DNAI3: variants seen among roughly 807,000 people sequenced by gnomAD.
DNAI3 encodes the protein WD repeat domain 63.
In DNAI3, 83 loss-of-function variants were observed where a neutral mutation model predicts 115.5. The ratio of observed to expected loss-of-function variants is 0.72; its 90% CI spans 0.60 to 0.86. The LOEUF (loss-of-function observed/expected upper bound fraction) is 0.86. Ranked by LOEUF, DNAI3 falls within the 40% of genes least tolerant of loss-of-function variation. The pLI is 0.00. For missense variants in DNAI3, 1,004 were observed against 1,075.8 expected (o/e 0.93, Z 0.93); for synonymous variants, 320 against 347.0 (o/e 0.92, Z 0.86).
chr1:85,126,593 A>G lies in DNAI3; in HGVS notation c.2195A>G (p.Tyr732Cys), dbSNP rs1257968796. The G allele has an allele frequency of 6.2e-7, 1 of 1,614,138 alleles. No homozygotes were observed. The highest frequency in any genetic ancestry group is 2.2e-5 in the East Asian group (1 of 44,882). ...HWSLTRPGVF[Y>C]IGREDGYIDI... Reference sequence around the variant, plus strand: ...TCCCTGACTCGGCCCGGAGTTTTCTACATCGGCCGAGAAGATGGATACATT... The same window carrying G: ...TCCCTGACTCGGCCCGGAGTTTTCTGCATCGGCCGAGAAGATGGATACATT... Residue 732 changes from tyrosine (Y) to cysteine (C), a missense_variant, in exon 20 of 23, where the codon TAC becomes TGC. Around this residue, in one of 3 missense-constraint regions of DNAI3, gnomAD observed 429 missense variants for 454.3 expected, o/e 0.94. Transcript: ENST00000294664.
intron 13 of DNAI3, among the ~76,000 whole-genome samples, chr1:85,099,970 T>C (rs1296424658): frequency 3.3e-5 from 5 of 152,256 alleles, no homozygotes; most frequent in Admixed American, 2.0e-4. Flanking sequence ...CAAAAATTAA[T>C]TCAAGATGGA....
At position 85,062,702 on chromosome 1, in the gene DNAI3, C is replaced by A. The variant is rs75415680; in HGVS notation, c.-15+216C>A. On this transcript the variant is annotated intron_variant, in intron 1 of 22. Coordinates refer to ENST00000294664, the MANE Select transcript of DNAI3 (RefSeq NM_145172.5). ...AGAGCAGTTAACGACACTCTAAGAA[C>A]TTTAAGGGCATGTACTGTCTTGTTC... is the stretch of plus-strand genomic sequence containing the variant. Among the ~76,000 whole-genome samples, 475 of 152,260 alleles carry A rather than the reference C, an allele frequency of 3.1e-3. 16 individuals are homozygous for A. The East Asian group carries it at 0.079, about 25-fold the overall frequency.
chr1:85,074,121 C>A (rs1037742), intron 3 of DNAI3, among the ~76,000 whole-genome samples: 87,504 of 151,924 alleles, frequency 0.58, 25,253 homozygotes, highest in Non-Finnish European at 0.58. Flanking sequence ...TATGTGAATT[C>A]CACCTGTTTT....
intron 1 of DNAI3, among the ~76,000 whole-genome samples, chr1:85,069,678 C>T (rs1571151778): frequency 6.6e-6 from 1 of 152,058 alleles, no homozygotes; most frequent in East Asian, 1.9e-4. Context: ...GAGCGTGCCA[C>T]ATACTCCAGC....
Position 85,098,781 on chromosome 1 carries a change from G to A in DNAI3, c.1479+123G>A. The A allele has an allele frequency of 7.0e-6, 10 of 1,426,566 alleles. No homozygotes were observed. In the Admixed American group the frequency reaches 8.6e-5, roughly 12 times the overall value. The allele number at this position is 1,426,566 out of a possible 1,614,324, so 88.4% of individuals were successfully genotyped here. A position where few individuals can be genotyped will look rare whatever the true frequency, so the allele number is the denominator to read the frequency against. The stretch of plus-strand genomic sequence containing the variant: ...AAATTGTGAAATAACCAGGAACTAA[G>A]CATCAAAAAATGGGGTTACTGTTGC... On this transcript the variant is annotated intron_variant, in intron 13 of 22. Transcript: ENST00000294664.
At chr1:85,129,562 T>G (rs1656252876) in intron 21 of DNAI3, among the ~76,000 whole-genome samples, 1 of 151,934 alleles carries the variant, frequency 6.6e-6, no homozygotes, top group South Asian at 2.1e-4. Context: ...GTTTGATTGA[T>G]GATATGAAAC....
At chr1:85,075,989 G>A (rs140675935) in intron 3 of DNAI3, among the ~76,000 whole-genome samples, 2 of 152,258 alleles carry the variant, frequency 1.3e-5, no homozygotes, top group African/African-American at 2.4e-5. Context: ...TCAGGAGTCT[G>A]AAATTACTTT....
In DNAI3 at chr1:85,090,206, T is replaced by A. The variant is rs373633663; in HGVS notation, c.831T>A (p.Val277=). 2.5e-6 allele frequency: 4 copies of A among 1,576,484 alleles called. No homozygotes were observed. Among genetic ancestry groups the A allele is most frequent in the Non-Finnish European group, 3.4e-6 (4 of 1,165,158 alleles). Residue 277 remains valine, a synonymous_variant, in exon 8 of 23, where the codon GTT becomes GTA. Transcript: ENST00000294664. ...CACTCAAACAATCAAAGCCTTTGGT[T>A]GATTTTCTTAACAATGCATCCATAA... is the stretch of plus-strand genomic sequence containing the variant. ...KETLKQSKPL[V]DFLNNASISV... is the part of the protein sequence containing the mutation.
At chr1:85,070,420 C>T (rs1654232444) in intron 1 of DNAI3, among the ~76,000 whole-genome samples, 1 of 152,146 alleles carries the variant, frequency 6.6e-6, no homozygotes, top group Admixed American at 6.5e-5. Context: ...GCTGCTTGGG[C>T]TCACAGCCTG....
intron 3 of DNAI3, among the ~76,000 whole-genome samples, chr1:85,078,951 G>T (rs1654545363): frequency 6.6e-6 from 1 of 152,224 alleles, no homozygotes. Context: ...TTCGAAGTGT[G>T]TGTTTAGTAG....
chr1:85,127,805 A>G (rs1199992789), intron 20 of DNAI3, among the ~76,000 whole-genome samples: 2 of 152,126 alleles, frequency 1.3e-5, no homozygotes, highest in Non-Finnish European at 2.9e-5. Flanking sequence ...GAACACACAC[A>G]CAGTGAGATA....
chr1:85,106,360 A>G (rs567756547), intron 14 of DNAI3, among the ~76,000 whole-genome samples: 4 of 152,342 alleles, frequency 2.6e-5, no homozygotes, highest in African/African-American at 9.6e-5. Context: ...TTTACAAATC[A>G]TATATCTGAT....
chr1:85,125,258 A>C lies in DNAI3; in HGVS notation c.2112+1007A>C, dbSNP rs547342077. The stretch of plus-strand genomic sequence containing the variant: ...GTATATGCATATAATATATATGTAT[A>C]TATGCATATGTGTATACCAACTTTG... On this transcript the variant is annotated intron_variant, in intron 19 of 22. Transcript: ENST00000294664. Among the ~76,000 whole-genome samples the C allele has an allele frequency of 2.0e-5, 3 of 152,236 alleles. No individual in the cohort carries two copies. The South Asian group carries it at 6.2e-4, about 32-fold the overall frequency.
At chr1:85,066,207 T>C (rs1654089937) in intron 1 of DNAI3, among the ~76,000 whole-genome samples, 1 of 152,090 alleles carries the variant, frequency 6.6e-6, no homozygotes, top group African/African-American at 2.4e-5. Context: ...AAATTTCTAT[T>C]TTGAAATACA....
intron 17 of DNAI3, 60 bp downstream of exon 17, chr1:85,117,919 C>A (rs939710956): frequency 6.4e-7 from 1 of 1,553,720 alleles, no homozygotes; most frequent in Non-Finnish European, 8.8e-7. Context: ...TATGTTATTA[C>A]AATATCTACT....
chr1:85,114,211 C>T (rs1655747139), intron 16 of DNAI3, among the ~76,000 whole-genome samples: 1 of 152,066 alleles, frequency 6.6e-6, no homozygotes, highest in Non-Finnish European at 1.5e-5. Flanking sequence ...TGGGGTTTCA[C>T]CATGTTGGCC....
At chr1:85,118,986 G>T (rs541905346) in intron 17 of DNAI3, among the ~76,000 whole-genome samples, 2 of 152,118 alleles carry the variant, frequency 1.3e-5, no homozygotes, top group Non-Finnish European at 2.9e-5. Context: ...TGTCTAGAAT[G>T]CCTGGTTGGA....
intron 11 of DNAI3, 119 bp downstream of exon 11, chr1:85,096,139 T>C: frequency 1.2e-6 from 1 of 859,636 alleles, no homozygotes; most frequent in Admixed American, 2.0e-5. Context: ...GCATGCCAAT[T>C]GTGTGCCAGA....
intron 3 of DNAI3, 32 bp downstream of exon 3, chr1:85,073,124 C>T: frequency 6.8e-7 from 1 of 1,475,026 alleles, no homozygotes; most frequent in African/African-American, 1.4e-5. Flanking sequence ...AACTTACATC[C>T]TCAGTTTTAT....
Sources: allele counts gnomAD v4.1 joint callset (sites outside exome capture counted in the v4.1 genomes callset), GRCh38; gene constraint gnomAD v4.1.1; regional missense constraint gnomAD v4.1.1; transcripts MANE v1.5; gene names NCBI Gene and HGNC (gene_info 2026-07-23, HGNC 2026-07-21).